PRPF8: variants seen among roughly 807,000 people sequenced by gnomAD.
The protein encoded by PRPF8 is pre-mRNA processing factor 8, also known as pre-mRNA-processing-splicing factor 8.
PRPF8 carries 64 observed loss-of-function variants against 285.9 expected under a neutral mutation model. That is an observed-to-expected ratio of 0.22 (90% CI 0.18 to 0.28). The LOEUF is 0.28. Ranked by LOEUF, PRPF8 falls within the 10% of genes least tolerant of loss-of-function variation. PRPF8 has a pLI of 1.00. For missense variants in PRPF8, 1,426 were observed against 3,026.7 expected (o/e 0.47, Z 12.41); for synonymous variants, 1,325 against 1,118.2 (o/e 1.18, Z -3.69).
chr17:1,656,876 T>C, intron 34 of PRPF8, 115 bp from the exon 35 acceptor site: 1 of 958,598 alleles, frequency 1.0e-6, no homozygotes, highest in South Asian at 1.4e-5. Flanking sequence ...ACACTGATGT[T>C]AAATGTTAGG....
chr17:1,673,543 G>A lies in PRPF8; in HGVS notation c.3471C>T (p.Ile1157=), dbSNP rs1341579474. ...VNLGRAVFWD[I]KNRLPRSVTT... Reference sequence around the variant, plus strand: ...TCACTGACCGTGGCAAGCGGTTCTTGATGTCCCAGAATACCGCCCGGCCTC... The same window carrying A: ...TCACTGACCGTGGCAAGCGGTTCTTAATGTCCCAGAATACCGCCCGGCCTC... The change falls in exon 23 of 43, where the codon ATC becomes ATT. Residue 1157 remains isoleucine (I), a synonymous_variant. Coordinates refer to ENST00000304992, the MANE Select transcript of PRPF8 (RefSeq NM_006445.4). This position sits in a 1 kb window ranked among gnomAD's most constrained non-coding sequence, Gnocchi z 5.5. 2.5e-6 allele frequency: 4 copies of A among 1,614,010 alleles called. No homozygotes were observed. In the African/African-American group the frequency reaches 4.0e-5, roughly 16 times the overall value.
chr17:1,656,625 C>G, intron 35 of PRPF8, 23 bp downstream of exon 35: 1 of 1,613,922 alleles, frequency 6.2e-7, no homozygotes, highest in Non-Finnish European at 8.5e-7. Flanking sequence ...TCTCTTTTCT[C>G]CTACCCCACC....
chr17:1,675,659 T>A lies in PRPF8; in HGVS notation c.2833A>T (p.Thr945Ser). 6.2e-7 allele frequency: 1 copy of A among 1,614,146 alleles called. No homozygotes were observed. Among genetic ancestry groups the A allele is most frequent in the Non-Finnish European group, 8.5e-7 (1 of 1,180,020 alleles). ...TAAACAAGCAGCGGAGGTGGTTCTG[T>A]GTCTGCAGGCTTAATCCAGGGTGGG... ...LFPPWIKPADTEPPPLLVYKW... is the reference protein window; with the variant it reads ...LFPPWIKPADSEPPPLLVYKW... The change falls in exon 19 of 43, where the codon ACA becomes TCA. Residue 945 changes from threonine (T) to serine (S), a missense_variant. By Grantham distance (58) the Thr-to-Ser change is moderately conservative. Around this residue, in one of 34 missense-constraint regions of PRPF8, gnomAD observed 70 missense variants for 273.7 expected, o/e 0.26. Coordinates refer to ENST00000304992, the MANE Select transcript of PRPF8 (RefSeq NM_006445.4). The surrounding 1 kb of genome is among the most constrained non-coding windows in gnomAD (Gnocchi z 6.0).
At chr17:1,662,225 G>GTTAGTT in intron 24 of PRPF8, 72 bp from the exon 25 acceptor site, 3 of 1,546,278 alleles carry the variant, frequency 1.9e-6, no homozygotes, top group Non-Finnish European at 2.7e-6. Flanking sequence ...ACTTGATGCA[G>GTTAGTT]TTAGTTTTAT....
chr17:1,668,883 AATC>A (rs1482911652), intron 24 of PRPF8, among the ~76,000 whole-genome samples: 1 of 152,132 alleles, frequency 6.6e-6, no homozygotes, highest in Non-Finnish European at 1.5e-5. Flanking sequence ...TTTCTTCAGC[AATC>A]ATCATACCCT....
At position 1,675,027 on chromosome 17, in the gene PRPF8, C is replaced by T; in HGVS notation, c.3060+125G>A. 1 of 1,145,244 alleles carries T rather than the reference C, an allele frequency of 8.7e-7. No individual in the cohort carries two copies. The allele number at this position is 1,145,244 out of a possible 1,614,324, so 70.9% of individuals were successfully genotyped here. On this transcript the variant is annotated intron_variant, in intron 20 of 42. Transcript: ENST00000304992. This position sits in a 1 kb window ranked among gnomAD's most constrained non-coding sequence, Gnocchi z 6.0. The stretch of plus-strand genomic sequence containing the variant: ...TGACCTCGTGATCTGCCCGCCTCAG[C>T]CTCCCAAAGTGCTGGGATTACAGGC...
At position 1,681,754 on chromosome 17, in the gene PRPF8, T is replaced by A. The variant is rs1912941241; in HGVS notation, c.654-64A>T. The A allele has an allele frequency of 1.9e-6, 3 of 1,609,510 alleles. No homozygotes were observed. The South Asian group carries it at 3.3e-5, about 18-fold the overall frequency. On this transcript the variant is annotated intron_variant, in intron 5 of 42. Coordinates refer to ENST00000304992, the MANE Select transcript of PRPF8 (RefSeq NM_006445.4). ...TAGACAAACCCATACCACCTACTGA[T>A]CTCCCAGGACTCCTTCTGCATTTCC...
intron 14 of PRPF8, 70 bp downstream of exon 14, chr17:1,677,495 C>A (rs1463886863): frequency 3.1e-6 from 5 of 1,608,754 alleles, no homozygotes; most frequent in Non-Finnish European, 4.3e-6. Context: ...GAGCAGGGAA[C>A]AGACTCAAAC....
intron 37 of PRPF8, 70 bp from the exon 38 acceptor site, chr17:1,654,086 G>A: frequency 6.2e-7 from 1 of 1,610,584 alleles, no homozygotes; most frequent in Non-Finnish European, 8.5e-7. Flanking sequence ...AATGGAAAGG[G>A]TGTAACTTGG....
rs1438565919 is a variant in PRPF8, at chr17:1,673,430, C to A, written c.3584G>T (p.Arg1195Leu). ...GCTGGTGCGGCACTTAGGCAGGATG[C>A]GGCACTCGAAGCCACACATGTTGAA... Reference protein sequence around the residue: ...LLFNMCGFECRILPKCRTSYE... With the variant: ...LLFNMCGFECLILPKCRTSYE... Residue 1195 changes from arginine to leucine, a missense_variant, in exon 23 of 43, where the codon CGC becomes CTC. By Grantham distance (102) the Arg-to-Leu change is moderately radical. Coordinates refer to ENST00000304992, the MANE Select transcript of PRPF8 (RefSeq NM_006445.4). This position sits in a 1 kb window ranked among gnomAD's most constrained non-coding sequence, Gnocchi z 5.5. 1.9e-6 allele frequency: 3 copies of A among 1,613,960 alleles called. No homozygotes were observed. Among genetic ancestry groups the A allele is most frequent in the South Asian group, 2.2e-5 (2 of 91,070 alleles).
intron 24 of PRPF8, among the ~76,000 whole-genome samples, chr17:1,668,714 G>A (rs1912140052): frequency 6.6e-6 from 1 of 151,878 alleles, no homozygotes; most frequent in Non-Finnish European, 1.5e-5. Flanking sequence ...CTCTACAACT[G>A]TCTTCTAACA....
chr17:1,663,919 G>A (rs1048646757), intron 24 of PRPF8, among the ~76,000 whole-genome samples: 2 of 152,022 alleles, frequency 1.3e-5, no homozygotes, highest in Admixed American at 6.6e-5. Context: ...TATTTGATAC[G>A]ATAAAGTAGT....
In PRPF8 at chr17:1,679,892, G is replaced by A. The variant is rs1341091008; in HGVS notation, c.1099-93C>T. 2.1e-6 allele frequency: 3 copies of A among 1,439,668 alleles called. No individual in the cohort carries two copies. The highest frequency in any genetic ancestry group is 2.9e-6 in the Non-Finnish European group (3 of 1,021,772). 89.2% of individuals were successfully genotyped at this position (1,439,668 alleles called of 1,614,324 possible). On this transcript the variant is annotated intron_variant, in intron 8 of 42. Transcript: ENST00000304992. The surrounding 1 kb of genome is among the most constrained non-coding windows in gnomAD (Gnocchi z 4.7). ...TTCTCTGGGGCCAAGCACAAAGCCTGTATCTGCTATGGAAACTGGGCTGTC... is the reference window on the plus strand; with the variant it reads ...TTCTCTGGGGCCAAGCACAAAGCCTATATCTGCTATGGAAACTGGGCTGTC...
Position 1,677,643 on chromosome 17 carries a change from C to T in PRPF8, c.1906G>A (p.Val636Ile). 1.2e-6 allele frequency: 2 copies of T among 1,613,952 alleles called. No homozygotes were observed. Among genetic ancestry groups the T allele is most frequent in the African/African-American group, 1.3e-5 (1 of 74,962 alleles). Residue 636 changes from valine to isoleucine, a missense_variant, in exon 14 of 43, where the codon GTC (valine) becomes ATC (isoleucine). Physicochemically the swap from Val to Ile is conservative, Grantham distance 29. This residue lies in a region of PRPF8 where 69 missense variants were observed against 134.7 expected (regional missense o/e 0.51). Transcript: ENST00000304992. Reference sequence around the variant, plus strand: ...ATGCCACGCATGAAAAAGAGCCAGACTCGCCAACCGGCAGCCCAGAAGCCA... The same window carrying T: ...ATGCCACGCATGAAAAAGAGCCAGATTCGCCAACCGGCAGCCCAGAAGCCA... ...GCGFWAAGWR[V>I]WLFFMRGITP...
In PRPF8 at chr17:1,678,769, G is replaced by C. The variant is rs1912748763; in HGVS notation, c.1712C>G (p.Ala571Gly). Residue 571 changes from alanine (A) to glycine (G), a missense_variant, in exon 12 of 43, where the codon GCC (alanine) becomes GGC (glycine). Physicochemically the swap from Ala to Gly is moderately conservative, Grantham distance 60 (BLOSUM62 0). Coordinates refer to ENST00000304992, the MANE Select transcript of PRPF8 (RefSeq NM_006445.4). ...HVQYRLGNVD[A>G]FQLADGLQYI... ...GGGAATACCTAACCTTACCTGGAAG[G>C]CATCCACATTGCCCAGCCGATACTG... The C allele has an allele frequency of 1.2e-6, 2 of 1,613,848 alleles. No individual in the cohort carries two copies. The highest frequency in any genetic ancestry group is 2.7e-5 in the African/African-American group (2 of 74,908).
Position 1,661,481 on chromosome 17 carries a change from T to C in PRPF8, c.4203-75A>G. On this transcript the variant is annotated intron_variant, in intron 26 of 42. Transcript: ENST00000304992. This position sits in a 1 kb window ranked among gnomAD's most constrained non-coding sequence, Gnocchi z 7.3. The stretch of plus-strand genomic sequence containing the variant: ...CTCAGCACTCCTTCCTGGCCAAAAA[T>C]AATTAGGGTCAGTAGAACCAGCCTT... The C allele has an allele frequency of 6.2e-7, 1 of 1,611,716 alleles. No homozygotes were observed. The highest frequency in any genetic ancestry group is 1.7e-4 in the Middle Eastern group (1 of 5,874).
intron 21 of PRPF8, among the ~76,000 whole-genome samples, 179 bp from the exon 22 acceptor site, chr17:1,674,071 G>A (rs550858402): frequency 7.0e-4 from 106 of 151,990 alleles, no homozygotes; most frequent in African/African-American, 2.4e-3. Context: ...TCCCCAGGCT[G>A]GAGCGCAGCG....
chr17:1,652,114 T>C (rs1011193364), intron 39 of PRPF8: 1 of 462,086 alleles, frequency 2.2e-6, no homozygotes, highest in Non-Finnish European at 4.0e-6. Flanking sequence ...TGAAAACATC[T>C]GGAAAACCAG....
Position 1,682,170 on chromosome 17 carries a change from C to A in PRPF8, c.393G>T (p.Glu131Asp), listed in dbSNP as rs1334775238. 2 of 1,613,982 alleles carry A rather than the reference C, an allele frequency of 1.2e-6. No homozygotes were observed. The highest frequency in any genetic ancestry group is 2.7e-5 in the African/African-American group (2 of 74,886). ...HITGAISFVN[E>D]IPWVIEPVYI... is the part of the protein sequence containing the mutation. ...AGACAGGTTCAATGACCCAGGGAAT[C>A]TCATTGACGAAGGAAATGGCTCCAG... Residue 131 changes from glutamate to aspartate, a missense_variant, in exon 4 of 43, where the codon GAG becomes GAT. By Grantham distance (45) the Glu-to-Asp change is conservative. Coordinates refer to ENST00000304992, the MANE Select transcript of PRPF8 (RefSeq NM_006445.4).
Sources: allele counts gnomAD v4.1 joint callset (sites outside exome capture counted in the v4.1 genomes callset), GRCh38; gene constraint gnomAD v4.1.1; regional missense constraint gnomAD v4.1.1; non-coding constraint Gnocchi (gnomAD v3.1); transcripts MANE v1.5; gene names NCBI Gene and HGNC (gene_info 2026-07-23, HGNC 2026-07-21).